Variants in PTPN4 observed in about 807,000 individuals in gnomAD.
The protein encoded by PTPN4 is protein tyrosine phosphatase non-receptor type 4.
Under a neutral mutation model 135.5 loss-of-function variants are expected in PTPN4, and 49 were observed. That is an observed-to-expected ratio of 0.36 (90% CI 0.29 to 0.46). The LOEUF is 0.46. Ranked by LOEUF, PTPN4 falls within the 20% of genes least tolerant of loss-of-function variation. The probability of loss-of-function intolerance (pLI) is 1.00; values close to 1 mark genes in which losing one functional copy is unlikely to be tolerated. For missense variants in PTPN4, 860 were observed against 1,101.0 expected (o/e 0.78, Z 3.10); for synonymous variants, 333 against 369.9 (o/e 0.90, Z 1.14).
At chr2:119,900,165 T>G (rs966714713) in intron 9 of PTPN4, among the ~76,000 whole-genome samples, 1 of 152,140 alleles carries the variant, frequency 6.6e-6, no homozygotes, top group Non-Finnish European at 1.5e-5. Flanking sequence ...ATTCAAATGT[T>G]ATTCTCCGGG....
Position 119,877,414 on chromosome 2 carries a change from T to C in PTPN4, c.289+49T>C, listed in dbSNP as rs1025006591. 3.1e-6 allele frequency: 5 copies of C among 1,607,742 alleles called. No homozygotes were observed. In the African/African-American group the frequency reaches 4.0e-5, roughly 13 times the overall value. ...GTTTTGCAAGTTTACTTTATAAAGA[T>C]AAAGGATTAATATAGTCTGATTAAT... On this transcript the variant is annotated intron_variant, in intron 4 of 26. Coordinates refer to ENST00000263708, the MANE Select transcript of PTPN4 (RefSeq NM_002830.4).
chr2:119,894,864 T>G lies in PTPN4; in HGVS notation c.676-5854T>G, dbSNP rs527270739. On this transcript the variant is annotated intron_variant, in intron 9 of 26. Transcript: ENST00000263708. ...ACAAGGAGATACCAATTTTATCAGATTAGCAAAAGTTCAAAGGATTAAAAA... is the reference window on the plus strand; with the variant it reads ...ACAAGGAGATACCAATTTTATCAGAGTAGCAAAAGTTCAAAGGATTAAAAA... Among the ~76,000 whole-genome samples, 196 of 152,322 alleles carry G rather than the reference T, an allele frequency of 1.3e-3. 1 individual carries two copies. Among genetic ancestry groups the G allele is most frequent in the African/African-American group, 4.3e-3 (180 of 41,582 alleles).
chr2:119,775,306 A>G (rs974255173), intron 1 of PTPN4, among the ~76,000 whole-genome samples: 2 of 152,036 alleles, frequency 1.3e-5, no homozygotes, highest in African/African-American at 2.4e-5. Context: ...CTGCCAGTCT[A>G]TTGGTCATAT....
At position 119,894,343 on chromosome 2, in the gene PTPN4, C is replaced by G. The variant is rs1678286623; in HGVS notation, c.676-6375C>G. On this transcript the variant is annotated intron_variant, in intron 9 of 26. Coordinates refer to ENST00000263708, the MANE Select transcript of PTPN4 (RefSeq NM_002830.4). ...ACTTTATCCATGTCACTCTACTGTACTCAAATCACATAGTGGTTTTCCATA... is the reference window on the plus strand; with the variant it reads ...ACTTTATCCATGTCACTCTACTGTAGTCAAATCACATAGTGGTTTTCCATA... Among the ~76,000 whole-genome samples, 2 of 152,200 alleles carry G rather than the reference C, an allele frequency of 1.3e-5. 1 individual carries two copies. The highest frequency in any genetic ancestry group is 4.8e-5 in the African/African-American group (2 of 41,448).
intron 9 of PTPN4, among the ~76,000 whole-genome samples, chr2:119,896,694 G>A (rs531958414): frequency 3.3e-5 from 5 of 151,960 alleles, no homozygotes; most frequent in African/African-American, 7.3e-5. Flanking sequence ...ATAAAGGGTC[G>A]TTTTCTTTCT....
At chr2:119,896,457 CCTCT>C (rs1182926768) in intron 9 of PTPN4, among the ~76,000 whole-genome samples, 5 of 152,154 alleles carry the variant, frequency 3.3e-5, no homozygotes, top group Admixed American at 1.3e-4. Flanking sequence ...AATTTGCTGT[CCTCT>C]CTATTTCCTG....
rs1558773144 is a variant in PTPN4 at position 119,952,143 on chromosome 2, GTAGTACCAGATA to G, written c.1813+15_1813+26del. 1 of 1,599,122 alleles carries G rather than the reference GTAGTACCAGATA, an allele frequency of 6.3e-7. No homozygotes were observed. The highest frequency in any genetic ancestry group is 1.7e-5 in the Admixed American group (1 of 59,412). On this transcript the variant is annotated intron_variant, in intron 19 of 26. Coordinates refer to ENST00000263708, the MANE Select transcript of PTPN4 (RefSeq NM_002830.4). ...TTCGACCTAATGGTGAGTACTCTAT[GTAGTACCAGATA>G]ATTTATAGTAATTTATTACTGTTCA...
intron 12 of PTPN4, among the ~76,000 whole-genome samples, chr2:119,921,880 T>TTA (rs201724084): frequency 0.021 from 3,159 of 152,228 alleles, 59 homozygotes; most frequent in Non-Finnish European, 0.033. Context: ...ACCAGGGTAG[T>TTA]TATACAAGGA....
intron 13 of PTPN4, 82 bp downstream of exon 13, chr2:119,926,748 C>G: frequency 6.4e-6 from 7 of 1,085,346 alleles, no homozygotes; most frequent in Non-Finnish European, 9.3e-6. Flanking sequence ...AATATTTTTT[C>G]TAAAGTTTTT....
At chr2:119,928,932 C>T (rs956106566) in intron 13 of PTPN4, among the ~76,000 whole-genome samples, 1 of 151,988 alleles carries the variant, frequency 6.6e-6, no homozygotes, top group Admixed American at 6.6e-5. Flanking sequence ...TGTTTTGATC[C>T]TATCAGATTT....
chr2:119,933,466 G>A (rs2105038509), intron 14 of PTPN4, among the ~76,000 whole-genome samples: 1 of 152,008 alleles, frequency 6.6e-6, no homozygotes, highest in Non-Finnish European at 1.5e-5. Flanking sequence ...ATTCCTTAAG[G>A]TCAGGAGCTC....
At chr2:119,934,052 A>G (rs1248576504) in intron 14 of PTPN4, among the ~76,000 whole-genome samples, 1 of 152,234 alleles carries the variant, frequency 6.6e-6, no homozygotes, top group Admixed American at 6.5e-5. Context: ...ACTAATTAAC[A>G]GTAGCTCTGT....
chr2:119,866,791 C>T (rs1314631199), intron 3 of PTPN4, among the ~76,000 whole-genome samples: 1 of 152,114 alleles, frequency 6.6e-6, no homozygotes, highest in Non-Finnish European at 1.5e-5. Context: ...TGTTTGAATA[C>T]ATGGTTGCTA....
rs187924172 is a variant in PTPN4, at chr2:119,945,108, G to A, written c.1383G>A (p.Lys461=). 1.3e-5 allele frequency: 21 copies of A among 1,605,168 alleles called. No homozygotes were observed. In the East Asian group the frequency reaches 4.7e-4, roughly 36 times the overall value. The change falls in exon 16 of 27, where the codon AAG becomes AAA. Residue 461 remains lysine (K), a synonymous_variant. Coordinates refer to ENST00000263708, the MANE Select transcript of PTPN4 (RefSeq NM_002830.4). ...CACAAGAGACCCCTGGAGATGGGAA[G>A]CCTCCAGCTTTACCACCCAAACAGT... is the stretch of plus-strand genomic sequence containing the variant. ...SPSQETPGDG[K]PPALPPKQSK...
At chr2:119,788,541 C>A (rs890916764) in intron 1 of PTPN4, among the ~76,000 whole-genome samples, 1 of 152,156 alleles carries the variant, frequency 6.6e-6, no homozygotes, top group Admixed American at 6.5e-5. Context: ...CCATCACCAC[C>A]ATCCATCTTC....
chr2:119,977,110 T>A lies in PTPN4; in HGVS notation c.*40T>A. On this transcript the variant is annotated 3_prime_UTR_variant, in exon 27 of 27. Transcript: ENST00000263708. ...CTGGGATATGTGTTGGAAAACTGCT[T>A]TCCCTTATGTTCACTGTGCCATAAT... 2 of 1,551,610 alleles carry A rather than the reference T, an allele frequency of 1.3e-6. No homozygotes were observed. Among genetic ancestry groups the A allele is most frequent in the African/African-American group, 2.8e-5 (2 of 71,300 alleles).
intron 3 of PTPN4, among the ~76,000 whole-genome samples, chr2:119,863,384 A>G (rs1379125039): frequency 6.6e-6 from 1 of 152,146 alleles, no homozygotes; most frequent in Non-Finnish European, 1.5e-5. Context: ...TCTGCAATAA[A>G]GTATATTCTT....
intron 1 of PTPN4, among the ~76,000 whole-genome samples, chr2:119,795,017 C>G (rs1691226529): frequency 6.6e-6 from 1 of 152,182 alleles, no homozygotes; most frequent in South Asian, 2.1e-4. Context: ...CTTCAGCTCT[C>G]AGCGGAGAGG....
intron 10 of PTPN4, among the ~76,000 whole-genome samples, chr2:119,903,179 C>G (rs1678432210): frequency 6.6e-6 from 1 of 152,136 alleles, no homozygotes; most frequent in Non-Finnish European, 1.5e-5. Flanking sequence ...AGCATGTGCT[C>G]ACCACAGCCT....
Sources: gnomAD v4.1 joint callset for allele counts (sites outside exome capture counted in the v4.1 genomes callset) on GRCh38, gnomAD v4.1.1 for gene constraint, MANE v1.5 for transcripts, NCBI Gene and HGNC (gene_info 2026-07-23, HGNC 2026-07-21) for gene names.